KCNG2: variants seen among roughly 807,000 people sequenced by gnomAD.
The protein encoded by KCNG2 is potassium voltage-gated channel modifier subfamily G member 2.
KCNG2 carries 7 observed loss-of-function variants against 12.3 expected under a neutral mutation model. The observed-to-expected ratio is 0.57, with a 90% CI of 0.32 to 1.07. The LOEUF (loss-of-function observed/expected upper bound fraction) is 1.07. Among genes scored for constraint, KCNG2 ranks in the 50% least tolerant of loss-of-function variants. The pLI is 0.04. For missense variants in KCNG2, 703 were observed against 726.0 expected (o/e 0.97, Z 0.36); for synonymous variants, 414 against 351.4 (o/e 1.18, Z -1.99).
At chr18:79,882,666 A>T (rs2123111648) in intron 3 of KCNG2, among the ~76,000 whole-genome samples, 1 of 152,386 alleles carries the variant, frequency 6.6e-6, no homozygotes, top group Middle Eastern at 3.4e-3. Flanking sequence ...AGCCGAGAGC[A>T]GCAAGCTCAA....
At chr18:79,870,245 C>T (rs769021160) in intron 3 of KCNG2, among the ~76,000 whole-genome samples, 2 of 152,232 alleles carry the variant, frequency 1.3e-5, no homozygotes, top group African/African-American at 4.8e-5. Flanking sequence ...CTTCAGCTGC[C>T]GTGGGCCCTA....
rs554454956 is a variant in KCNG2, at chr18:79,897,093, G to A, written c.625-1947G>A. On this transcript the variant is annotated intron_variant, in intron 3 of 3. Transcript: ENST00000316249. The stretch of plus-strand genomic sequence containing the variant: ...GTTTATCCTGCTGGGAGTTCATTGA[G>A]CTTCCTGGATATGTAGGTTATTGTT... Among the ~76,000 whole-genome samples, 9 of 151,772 alleles carry A rather than the reference G, an allele frequency of 5.9e-5. No individual in the cohort carries two copies. In the East Asian group the frequency reaches 1.5e-3, roughly 26 times the overall value.
intron 3 of KCNG2, among the ~76,000 whole-genome samples, chr18:79,896,928 GTTTC>G (rs961189119): frequency 6.6e-6 from 1 of 152,192 alleles, no homozygotes; most frequent in Non-Finnish European, 1.5e-5. Flanking sequence ...GGCTTGCAGT[GTTTC>G]TGCTGGTAAG....
At chr18:79,873,628 C>T (rs1388941717) in intron 3 of KCNG2, among the ~76,000 whole-genome samples, 2 of 152,250 alleles carry the variant, frequency 1.3e-5, no homozygotes, top group African/African-American at 2.4e-5. Context: ...GAGCCCTGGA[C>T]GGGAGCGTTT....
At chr18:79,883,469 A>G (rs1370167319) in intron 3 of KCNG2, among the ~76,000 whole-genome samples, 1 of 152,226 alleles carries the variant, frequency 6.6e-6, no homozygotes, top group East Asian at 1.9e-4. Context: ...TTCTAGGTCA[A>G]AGTGCACACA....
At chr18:79,895,822 T>G (rs1479313543) in intron 3 of KCNG2, among the ~76,000 whole-genome samples, 2 of 144,794 alleles carry the variant, frequency 1.4e-5, no homozygotes, top group African/African-American at 4.9e-5. Flanking sequence ...TTGATTGATA[T>G]AGTTGGGTCT....
In KCNG2 at chr18:79,899,681, G is replaced by A. The variant is rs755933671; in HGVS notation, c.1266G>A (p.Ala422=). ...YSELKEQQQR[A]ASPEPALQED... is the part of the protein sequence containing the mutation. ...AGCTCAAGGAGCAGCAGCAGCGCGC[G>A]GCCAGCCCCGAGCCGGCCCTGCAGG... Residue 422 remains alanine, a synonymous_variant, in exon 4 of 4, where the codon GCG becomes GCA. Coordinates refer to ENST00000316249, the MANE Select transcript of KCNG2 (RefSeq NM_012283.2). 2.4e-5 allele frequency: 39 copies of A among 1,607,894 alleles called. No homozygotes were observed. Among genetic ancestry groups the A allele is most frequent in the African/African-American group, 5.4e-5 (4 of 74,264 alleles).
At chr18:79,869,839 G>A (rs1302222929) in intron 3 of KCNG2, among the ~76,000 whole-genome samples, 6 of 152,206 alleles carry the variant, frequency 3.9e-5, no homozygotes, top group Non-Finnish European at 8.8e-5. Flanking sequence ...TTTCCTAGGA[G>A]AGGTCACCAG....
rs1453514079 is a variant in KCNG2, at chr18:79,853,138, G to A, written c.-114-3241G>A. On this transcript the variant is annotated intron_variant, in intron 1 of 3. Transcript: ENST00000316249. ...TGCCCTGAAGTGTTCCCAGGAATACGAGGGTGGGCAAAGCGGACAGTGGGC... is the reference window on the plus strand; with the variant it reads ...TGCCCTGAAGTGTTCCCAGGAATACAAGGGTGGGCAAAGCGGACAGTGGGC... Among the ~76,000 whole-genome samples the A allele has an allele frequency of 3.3e-5, 5 of 152,246 alleles. No individual in the cohort carries two copies. In the South Asian group the frequency reaches 8.3e-4, roughly 25 times the overall value.
intron 1 of KCNG2, among the ~76,000 whole-genome samples, chr18:79,833,320 T>G (rs1449746687): frequency 2.6e-5 from 4 of 152,192 alleles, no homozygotes; most frequent in African/African-American, 7.2e-5. Flanking sequence ...TTTATTTTTT[T>G]GTAGAGACAA....
chr18:79,827,927 C>CTTTT (rs55913813), intron 1 of KCNG2, among the ~76,000 whole-genome samples: 9 of 141,126 alleles, frequency 6.4e-5, no homozygotes, highest in Non-Finnish European at 1.4e-4. Flanking sequence ...TTCTTTCTTT[C>CTTTT]TTTTTTTTTT....
In KCNG2 at chr18:79,829,304, GTGTGTCTGTGTGTACA is replaced by G. The variant is rs1978289753; in HGVS notation, c.-114-27061_-114-27046del. On this transcript the variant is annotated intron_variant, in intron 1 of 3. Coordinates refer to ENST00000316249, the MANE Select transcript of KCNG2 (RefSeq NM_012283.2). ...TGTGTGTGTCTGCATGTATCTGTGTGTGTGTCTGTGTGTACATGTGTCTGTGTGTGTCTTGTGTGTC... is the reference window on the plus strand; with the variant it reads ...TGTGTGTGTCTGCATGTATCTGTGTGTGTGTCTGTGTGTGTCTTGTGTGTC... Among the ~76,000 whole-genome samples the G allele has an allele frequency of 4.6e-5, 7 of 151,390 alleles. No individual in the cohort carries two copies. In the South Asian group the frequency reaches 1.5e-3, roughly 32 times the overall value.
intron 1 of KCNG2, among the ~76,000 whole-genome samples, chr18:79,851,009 T>C (rs1003056904): frequency 6.6e-6 from 1 of 152,148 alleles, no homozygotes; most frequent in African/African-American, 2.4e-5. Context: ...CAGAGAGGGT[T>C]CTTGGACCTT....
chr18:79,872,303 T>TTTTTA (rs1979879573), intron 3 of KCNG2, among the ~76,000 whole-genome samples: 2 of 145,030 alleles, frequency 1.4e-5, no homozygotes, highest in Non-Finnish European at 1.5e-5. Flanking sequence ...TTTTTTTTTT[T>TTTTTA]GAGATGGAGT....
chr18:79,813,093 T>G (rs1395646137), intron 1 of KCNG2, among the ~76,000 whole-genome samples: 1 of 152,194 alleles, frequency 6.6e-6, no homozygotes, highest in Non-Finnish European at 1.5e-5. Context: ...AGGGGGAGGT[T>G]GCGGTGAGCC....
At chr18:79,829,387 C>A (rs548504477) in intron 1 of KCNG2, among the ~76,000 whole-genome samples, 1 of 152,266 alleles carries the variant, frequency 6.6e-6, no homozygotes, top group South Asian at 2.1e-4. Flanking sequence ...TGACCAAGTA[C>A]CTGCCCCTTC....
intron 1 of KCNG2, among the ~76,000 whole-genome samples, chr18:79,802,469 G>A (rs879534817): frequency 4.6e-5 from 7 of 152,182 alleles, no homozygotes; most frequent in African/African-American, 1.2e-4. Flanking sequence ...GCCTGGCCTC[G>A]ACATCTGTCC....
chr18:79,899,826 C>T lies in KCNG2; in HGVS notation c.*10C>T, dbSNP rs777956598. On this transcript the variant is annotated 3_prime_UTR_variant, in exon 4 of 4. Transcript: ENST00000316249. The stretch of plus-strand genomic sequence containing the variant: ...GCGGGCAGGGCGCTGACGCCTGCGC[C>T]GCCCACACGGAGACCCCCTGCCCCC... 2.7e-5 allele frequency: 37 copies of T among 1,356,320 alleles called. No homozygotes were observed. Among genetic ancestry groups the T allele is most frequent in the East Asian group, 6.1e-5 (2 of 33,022 alleles). The allele number at this position is 1,356,320 out of a possible 1,614,324, so 84.0% of individuals were successfully genotyped here. A position where few individuals can be genotyped will look rare whatever the true frequency, so the allele number is the denominator to read the frequency against.
chr18:79,889,845 C>CGGT (rs775922320), intron 3 of KCNG2, among the ~76,000 whole-genome samples: 2 of 152,210 alleles, frequency 1.3e-5, no homozygotes, highest in Non-Finnish European at 2.9e-5. Context: ...TCTTTCGTTA[C>CGGT]CATGTGTGAT....
Sources: allele counts gnomAD v4.1 joint callset (sites outside exome capture counted in the v4.1 genomes callset), GRCh38; gene constraint gnomAD v4.1.1; transcripts MANE v1.5; gene names NCBI Gene and HGNC (gene_info 2026-07-23, HGNC 2026-07-21).